DNMT3A: variants seen among roughly 807,000 people sequenced by gnomAD.
The protein encoded by DNMT3A is DNA methyltransferase 3 alpha.
Under a neutral mutation model 117.6 loss-of-function variants are expected in DNMT3A, and 267 were observed. The ratio of observed to expected loss-of-function variants is 2.27; its 90% confidence interval spans 2.05 to 2.51. DNMT3A has a LOEUF of 2.51. DNMT3A is among the 30% of genes most tolerant of loss of function. The probability of loss-of-function intolerance (pLI) is 0.00; values close to 1 mark genes in which losing one functional copy is unlikely to be tolerated. For missense variants in DNMT3A, 1,029 were observed against 1,260.2 expected (o/e 0.82, Z 2.78); for synonymous variants, 432 against 474.8 (o/e 0.91, Z 1.17).
intron 3 of DNMT3A, among the ~76,000 whole-genome samples, chr2:25,288,578 G>A (rs2032502421): frequency 6.6e-6 from 1 of 152,112 alleles, no homozygotes; most frequent in South Asian, 2.1e-4. Context: ...CCAAAGTGCT[G>A]GGATTACAGG....
At chr2:25,299,985 G>A (rs2033335792) in intron 3 of DNMT3A, among the ~76,000 whole-genome samples, 154 bp downstream of exon 3, 1 of 152,166 alleles carries the variant, frequency 6.6e-6, no homozygotes, top group Admixed American at 6.5e-5. Context: ...GGTGGGATTT[G>A]AAGAATGGGG....
At chr2:25,329,287 A>G (rs750570547) in intron 1 of DNMT3A, among the ~76,000 whole-genome samples, 2 of 152,150 alleles carry the variant, frequency 1.3e-5, no homozygotes, top group Non-Finnish European at 2.9e-5. Context: ...TTCGGGCCTC[A>G]GTTTCCCAAG....
chr2:25,244,232 A>AG lies in DNMT3A; in HGVS notation c.1773dup (p.Tyr592LeufsTer20). Reference sequence around the variant, plus strand: ...TCCTCTCGCCGCCGCAGCAGCCCGTAGGTACCCTTGTGCCCGCACATGTAG... The same window carrying AG: ...TCCTCTCGCCGCCGCAGCAGCCCGTAGGGTACCCTTGTGCCCGCACATGTAG... On this transcript the variant is annotated frameshift_variant, in exon 15 of 23. Coordinates refer to ENST00000321117, the MANE Select transcript of DNMT3A (RefSeq NM_022552.5). LOFTEE classifies it high-confidence loss of function. 1.2e-6 allele frequency: 2 copies of AG among 1,614,022 alleles called. No homozygotes were observed. The highest frequency in any genetic ancestry group is 8.5e-7 in the Non-Finnish European group (1 of 1,180,028).
intron 18 of DNMT3A, 36 bp downstream of exon 18, chr2:25,240,604 C>T (rs1444907565): frequency 2.5e-6 from 4 of 1,611,332 alleles, no homozygotes; most frequent in Non-Finnish European, 3.4e-6. Flanking sequence ...GCGGAAGCAC[C>T]AGCTGAGAAG....
Position 25,252,080 on chromosome 2 carries a change from G to A in DNMT3A, c.640-3828C>T. On this transcript the variant is annotated intron_variant, in intron 6 of 22. Coordinates refer to ENST00000321117, the MANE Select transcript of DNMT3A (RefSeq NM_022552.5). The surrounding 1 kb of genome is among the most constrained non-coding windows in gnomAD (Gnocchi z 5.5). ...CAGGCCGGGACGCCGCGGCTGCTGC[G>A]GGCCGGGGAGGCATACTTCACTCTT... The A allele has an allele frequency of 2.2e-6, 3 of 1,353,150 alleles. No homozygotes were observed. The highest frequency in any genetic ancestry group is 1.5e-5 in the African/African-American group (1 of 66,858). The allele number at this position is 1,353,150 out of a possible 1,614,324, so 83.8% of individuals were successfully genotyped here.
chr2:25,246,025 A>T lies in DNMT3A; in HGVS notation c.1469T>A (p.Ile490Asn), dbSNP rs757283738. The T allele has an allele frequency of 6.2e-7, 1 of 1,613,796 alleles. No homozygotes were observed. The highest frequency in any genetic ancestry group is 8.5e-7 in the Non-Finnish European group (1 of 1,179,900). ...TTCCCAGGCAACAAACTTACCCTCA[A>T]TGTTCCGGCACTTCTGCCGCACCTC... ...VYEVRQKCRN[I>N]EDICISCGSL... is the part of the protein sequence containing the mutation. The change falls in exon 12 of 23, where the codon ATT (isoleucine) becomes AAT (asparagine). Residue 490 changes from isoleucine (I) to asparagine (N), a missense_variant. Ile to Asn is a moderately radical substitution (Grantham distance 149, BLOSUM62 -3). Coordinates refer to ENST00000321117, the MANE Select transcript of DNMT3A (RefSeq NM_022552.5).
rs1001262811 is a variant in DNMT3A at position 25,294,551 on chromosome 2, C to T, written c.177+5588G>A. Among the ~76,000 whole-genome samples the T allele has an allele frequency of 1.3e-5, 2 of 152,174 alleles. No individual in the cohort carries two copies. The highest frequency in any genetic ancestry group is 2.9e-5 in the Non-Finnish European group (2 of 68,038). On this transcript the variant is annotated intron_variant, in intron 3 of 22. Coordinates refer to ENST00000321117, the MANE Select transcript of DNMT3A (RefSeq NM_022552.5). The surrounding 1 kb of genome is among the most constrained non-coding windows in gnomAD (Gnocchi z 4.7). ...AGGTAGGGGCACCATATCACCCAGC[C>T]GAGGTCCGGAGGGTTAGCCCAGGAG...
intron 2 of DNMT3A, among the ~76,000 whole-genome samples, chr2:25,307,679 T>G (rs931528346): frequency 6.6e-6 from 1 of 152,182 alleles, no homozygotes; most frequent in Non-Finnish European, 1.5e-5. Context: ...TTGGCCAGGC[T>G]GGTCTCCAAC....
At chr2:25,280,567 C>T (rs1023044055) in intron 4 of DNMT3A, among the ~76,000 whole-genome samples, 5 of 152,174 alleles carry the variant, frequency 3.3e-5, no homozygotes, top group Non-Finnish European at 5.9e-5. Flanking sequence ...TCAGGTTCTT[C>T]GTTGCAGTTC....
chr2:25,310,163 A>G (rs1356442112), intron 2 of DNMT3A, among the ~76,000 whole-genome samples: 1 of 152,136 alleles, frequency 6.6e-6, no homozygotes, highest in African/African-American at 2.4e-5. Context: ...AGGGGACAGA[A>G]CTGAGAACAG....
chr2:25,326,108 A>ATGTGTGTG (rs61521265), intron 1 of DNMT3A, among the ~76,000 whole-genome samples: 5,393 of 142,280 alleles, frequency 0.038, 148 homozygotes, highest in Admixed American at 0.1. Flanking sequence ...CTTGATATAT[A>ATGTGTGTG]TGTGTGTGTG....
chr2:25,276,376 G>C (rs56318705), intron 4 of DNMT3A, among the ~76,000 whole-genome samples: 1 of 152,262 alleles, frequency 6.6e-6, no homozygotes, highest in East Asian at 1.9e-4. Context: ...TGAGCATTAA[G>C]TGCCTACTGT....
intron 6 of DNMT3A, among the ~76,000 whole-genome samples, chr2:25,250,227 G>T (rs1675345748): frequency 6.6e-6 from 1 of 152,184 alleles, no homozygotes; most frequent in Admixed American, 6.5e-5. Flanking sequence ...GAAGCTCAGT[G>T]GTCCAATGTA....
rs1042720206 is a variant in DNMT3A, at chr2:25,300,360, G to A, written c.73-117C>T. The stretch of plus-strand genomic sequence containing the variant: ...CAGCCCCAGCCTCCTCCTGTCCCAC[G>A]AGCCACACTTCCAGGGCTGTGTAAT... On this transcript the variant is annotated intron_variant, in intron 2 of 22. Coordinates refer to ENST00000321117, the MANE Select transcript of DNMT3A (RefSeq NM_022552.5). 2.5e-5 allele frequency: 29 copies of A among 1,172,302 alleles called. No individual in the cohort carries two copies. The African/African-American group carries it at 3.1e-4, about 12-fold the overall frequency. 72.6% of individuals were successfully genotyped at this position (1,172,302 alleles called of 1,614,324 possible). A position where few individuals can be genotyped will look rare whatever the true frequency, so the allele number is the denominator to read the frequency against.
At chr2:25,271,837 C>A (rs2149360251) in intron 6 of DNMT3A, among the ~76,000 whole-genome samples, 1 of 152,336 alleles carries the variant, frequency 6.6e-6, no homozygotes, top group East Asian at 1.9e-4. Context: ...CTGCTACCTT[C>A]ATTGGTTGGG....
At chr2:25,314,315 G>C in intron 1 of DNMT3A, 154 bp from the exon 2 acceptor site, 27 of 985,260 alleles carry the variant, frequency 2.7e-5, no homozygotes, top group Non-Finnish European at 3.1e-5. Context: ...ACCGAGGCAG[G>C]CTCCCTTCAG....
chr2:25,287,322 C>A (rs1228389534), intron 3 of DNMT3A, among the ~76,000 whole-genome samples: 1 of 152,024 alleles, frequency 6.6e-6, no homozygotes, highest in East Asian at 1.9e-4. Flanking sequence ...CCGTGGGGGG[C>A]CAGATGGGGG....
At position 25,257,529 on chromosome 2, in the gene DNMT3A, G is replaced by A. The variant is rs1034788939; in HGVS notation, c.640-9277C>T. Among the ~76,000 whole-genome samples the A allele has an allele frequency of 2.6e-5, 4 of 152,130 alleles. No individual in the cohort carries two copies. Among genetic ancestry groups the A allele is most frequent in the Admixed American group, 6.5e-5 (1 of 15,278 alleles). On this transcript the variant is annotated intron_variant, in intron 6 of 22. Transcript: ENST00000321117. The surrounding 1 kb of genome is among the most constrained non-coding windows in gnomAD (Gnocchi z 4.8). ...TGGGGGTCTGGTCTTGGCTTAGCCG[G>A]CATGACCAGGAAACACCCGCTTCCT... is the stretch of plus-strand genomic sequence containing the variant.
chr2:25,329,759 C>A (rs2034944991), intron 1 of DNMT3A, among the ~76,000 whole-genome samples: 1 of 151,234 alleles, frequency 6.6e-6, no homozygotes, highest in Admixed American at 6.6e-5. Context: ...AGAGATATAC[C>A]TAGACAAATG....
Sources: gnomAD v4.1 joint callset for allele counts (sites outside exome capture counted in the v4.1 genomes callset) on GRCh38, gnomAD v4.1.1 for gene constraint, Gnocchi (gnomAD v3.1) non-coding constraint, MANE v1.5 for transcripts, NCBI Gene and HGNC (gene_info 2026-07-23, HGNC 2026-07-21) for gene names.